The following ST3GAL3 variants were observed in gnomAD, a reference collection of about 807,000 sequenced individuals.
ST3GAL3 encodes CMP-N-acetylneuraminate-beta-1,4-galactoside alpha-2,3-sialyltransferase.
In ST3GAL3, 21 loss-of-function variants were observed where a neutral mutation model predicts 50.1. The observed-to-expected ratio is 0.42, with a 90% CI of 0.30 to 0.60. ST3GAL3 has a LOEUF of 0.60. ST3GAL3 is among the 20% of genes least tolerant of loss of function. The pLI, the probability that ST3GAL3 is intolerant of heterozygous loss-of-function variation, is 0.19. For synonymous variants in ST3GAL3, 183 were observed against 190.0 expected (o/e 0.96, Z 0.30); for missense variants, 353 against 489.4 (o/e 0.72, Z 2.63).
At chr1:43,742,584 A>C (rs1437353809) in intron 2 of ST3GAL3, among the ~76,000 whole-genome samples, 1 of 152,226 alleles carries the variant, frequency 6.6e-6, no homozygotes, top group Non-Finnish European at 1.5e-5. Context: ...ACATGCAAAG[A>C]AACAGGAGAA....
intron 3 of ST3GAL3, among the ~76,000 whole-genome samples, chr1:43,794,716 A>G (rs1319645390): frequency 6.6e-6 from 1 of 152,240 alleles, no homozygotes; most frequent in Non-Finnish European, 1.5e-5. Flanking sequence ...AAATTGTATT[A>G]TATTCATAGG....
chr1:43,847,390 A>T (rs966274877), intron 5 of ST3GAL3, among the ~76,000 whole-genome samples: 1 of 152,234 alleles, frequency 6.6e-6, no homozygotes, highest in African/African-American at 2.4e-5. Flanking sequence ...ACCTGTGTTC[A>T]TTGACAGATG....
chr1:43,866,653 A>C (rs2071393282), intron 5 of ST3GAL3, among the ~76,000 whole-genome samples: 1 of 152,006 alleles, frequency 6.6e-6, no homozygotes, highest in Non-Finnish European at 1.5e-5. Flanking sequence ...TTCTAGACAG[A>C]GGGAATACAT....
intron 9 of ST3GAL3, among the ~76,000 whole-genome samples, chr1:43,904,721 T>G (rs2078862293): frequency 9.7e-6 from 1 of 103,306 alleles, no homozygotes; most frequent in Non-Finnish European, 2.1e-5. Flanking sequence ...TCACTCTTCC[T>G]CACCCTCCCC....
In ST3GAL3 at chr1:43,917,632, T is replaced by A. The variant is rs12410273; in HGVS notation, c.745-2772T>A. 5.2e-5 allele frequency among the ~76,000 whole-genome samples: 3 copies of A among 57,804 alleles called. No individual in the cohort carries two copies. The South Asian group carries it at 1.5e-3, about 29-fold the overall frequency. The allele number at this position is 57,804 out of a possible 152,430, so 37.9% of individuals were successfully genotyped here. ...ATATTATATATTATATTATATATAA[T>A]ATATAATATAATATATAATATAATA... On this transcript the variant is annotated intron_variant, in intron 9 of 11. Transcript: ENST00000347631.
rs115601829 is a variant in ST3GAL3 at position 43,782,655 on chromosome 1, C to G, written c.119-9447C>G. 9.5e-3 allele frequency among the ~76,000 whole-genome samples: 1,449 copies of G among 152,294 alleles called. 19 individuals are homozygous for G. Among genetic ancestry groups the G allele is most frequent in the African/African-American group, 0.033 (1,387 of 41,558 alleles). On this transcript the variant is annotated intron_variant, in intron 2 of 11. Coordinates refer to ENST00000347631, the MANE Select transcript of ST3GAL3 (RefSeq NM_006279.5). ...GGTGATGATGCTGATGATAAAAACA[C>G]TAACAGCAGCATGTATTGAGGACTT...
chr1:43,795,473 T>C (rs1009880081), intron 3 of ST3GAL3, among the ~76,000 whole-genome samples: 19 of 152,344 alleles, frequency 1.2e-4, no homozygotes, highest in East Asian at 3.9e-4. Context: ...AAGAGGCCAA[T>C]AGTTTTGCTA....
intron 2 of ST3GAL3, among the ~76,000 whole-genome samples, chr1:43,761,382 T>G (rs1176766432): frequency 2.0e-5 from 3 of 152,162 alleles, no homozygotes; most frequent in African/African-American, 7.2e-5. Context: ...AAATTTACCT[T>G]GTGTTAATGA....
rs920444195 is a variant in ST3GAL3 at position 43,707,590 on chromosome 1, C to G, written c.-134C>G. ...CAGCCCAGCGCGTTGTGGGCTCCCG[C>G]CGGGGTCCCCCGCGGCTGTCGCCGC... On this transcript the variant is annotated 5_prime_UTR_variant, in exon 1 of 12. Coordinates refer to ENST00000347631, the MANE Select transcript of ST3GAL3 (RefSeq NM_006279.5). 3 of 151,920 alleles carry G rather than the reference C, an allele frequency of 2.0e-5. No individual in the cohort carries two copies. The highest frequency in any genetic ancestry group is 7.2e-5 in the African/African-American group (3 of 41,398). The allele number at this position is 151,920 out of a possible 1,614,324, so 9.4% of individuals were successfully genotyped here.
chr1:43,805,710 C>T (rs181092810), intron 3 of ST3GAL3, among the ~76,000 whole-genome samples: 7 of 152,262 alleles, frequency 4.6e-5, no homozygotes, highest in Admixed American at 4.6e-4. Context: ...GTGAGGTCTA[C>T]ATAGGGAGGA....
chr1:43,797,259 A>C (rs1216516901), intron 3 of ST3GAL3, among the ~76,000 whole-genome samples: 2 of 152,190 alleles, frequency 1.3e-5, no homozygotes, highest in African/African-American at 2.4e-5. Flanking sequence ...ACAAAAAAAG[A>C]GGAAGAAAAT....
At chr1:43,875,950 C>CTTA (rs200892055) in intron 5 of ST3GAL3, among the ~76,000 whole-genome samples, 61 of 74,016 alleles carry the variant, frequency 8.2e-4, no homozygotes, top group Admixed American at 2.0e-3. Context: ...TCTTCTTCTT[C>CTTA]TTATTATTAT....
chr1:43,865,010 TATGTACAAC>T (rs902173093), intron 5 of ST3GAL3, among the ~76,000 whole-genome samples: 6 of 140,246 alleles, frequency 4.3e-5, no homozygotes, highest in African/African-American at 1.5e-4. Context: ...ACAGAGTATC[TATGTACAAC>T]ATTTTTTTTT....
Position 43,917,198 on chromosome 1 carries a change from C to A in ST3GAL3, c.745-3206C>A, listed in dbSNP as rs531411510. On this transcript the variant is annotated intron_variant, in intron 9 of 11. Coordinates refer to ENST00000347631, the MANE Select transcript of ST3GAL3 (RefSeq NM_006279.5). ...TACCACTAGCACCAAGATATAGATA[C>A]ACAAATATACACATACACAGATTTT... Among the ~76,000 whole-genome samples the A allele has an allele frequency of 4.6e-5, 7 of 151,632 alleles. No individual in the cohort carries two copies. The East Asian group carries it at 1.2e-3, about 25-fold the overall frequency.
At chr1:43,795,089 G>A (rs2058535063) in intron 3 of ST3GAL3, among the ~76,000 whole-genome samples, 1 of 152,172 alleles carries the variant, frequency 6.6e-6, no homozygotes, top group African/African-American at 2.4e-5. Flanking sequence ...TATTAAAAAT[G>A]TAAAATATAG....
intron 3 of ST3GAL3, among the ~76,000 whole-genome samples, chr1:43,804,484 A>G (rs2059655560): frequency 6.6e-6 from 1 of 152,176 alleles, no homozygotes; most frequent in Admixed American, 6.5e-5. Context: ...CTTGTCAGGT[A>G]AAGACCTTGG....
chr1:43,784,912 C>A (rs1241592732), intron 2 of ST3GAL3, among the ~76,000 whole-genome samples: 1 of 152,206 alleles, frequency 6.6e-6, no homozygotes, highest in Non-Finnish European at 1.5e-5. Flanking sequence ...TCAATTCTCA[C>A]CTCCTTTGGC....
chr1:43,730,567 CTTTCT>C, intron 1 of ST3GAL3, among the ~76,000 whole-genome samples: 2 of 134,020 alleles, frequency 1.5e-5, no homozygotes, highest in Non-Finnish European at 3.2e-5. Context: ...CTTTTCTTTT[CTTTCT>C]TTTTTTTTTT....
intron 5 of ST3GAL3, among the ~76,000 whole-genome samples, chr1:43,872,443 G>C (rs908996625): frequency 6.6e-6 from 1 of 151,664 alleles, no homozygotes; most frequent in Non-Finnish European, 1.5e-5. Flanking sequence ...CCTCTGACCG[G>C]GCACTCCCTG....
Sources: gnomAD v4.1 joint callset for allele counts (sites outside exome capture counted in the v4.1 genomes callset) on GRCh38, gnomAD v4.1.1 for gene constraint, MANE v1.5 for transcripts, NCBI Gene and HGNC (gene_info 2026-07-23, HGNC 2026-07-21) for gene names.